Variants in IQGAP2 observed in about 807,000 individuals in gnomAD.
The protein encoded by IQGAP2 is ras GTPase-activating-like protein IQGAP2.
In IQGAP2, 173 loss-of-function variants were observed where a neutral mutation model predicts 201.3. That is an observed-to-expected ratio of 0.86 (90% CI 0.76 to 0.98). The LOEUF is 0.98. Ranked by LOEUF, IQGAP2 falls within the 50% of genes least tolerant of loss-of-function variation. The probability of loss-of-function intolerance (pLI) is 0.00; values close to 1 mark genes in which losing one functional copy is unlikely to be tolerated. For synonymous variants in IQGAP2, 675 were observed against 673.9 expected (o/e 1.00, Z -0.03); for missense variants, 1,687 against 1,864.8 (o/e 0.90, Z 1.76).
chr5:76,544,756 TTA>T (rs1030357406), intron 2 of IQGAP2, among the ~76,000 whole-genome samples: 1 of 152,146 alleles, frequency 6.6e-6, no homozygotes, highest in Non-Finnish European at 1.5e-5. Flanking sequence ...ACAGTGAAAA[TTA>T]TATCTTTCTC....
At chr5:76,542,505 C>T (rs140345638) in intron 2 of IQGAP2, among the ~76,000 whole-genome samples, 2 of 152,174 alleles carry the variant, frequency 1.3e-5, no homozygotes, top group African/African-American at 4.8e-5. Flanking sequence ...TTTTCTGAGG[C>T]TAAAGTTAGT....
chr5:76,443,121 A>G (rs1215858258), intron 1 of IQGAP2, among the ~76,000 whole-genome samples: 2 of 152,268 alleles, frequency 1.3e-5, no homozygotes, highest in African/African-American at 4.8e-5. Flanking sequence ...AAATTGTTTT[A>G]GGAAGGGGCT....
At chr5:76,457,162 A>T (rs1754137808) in intron 1 of IQGAP2, among the ~76,000 whole-genome samples, 1 of 151,694 alleles carries the variant, frequency 6.6e-6, no homozygotes, top group Admixed American at 6.6e-5. Flanking sequence ...AATTTTTTGT[A>T]TTTTTTTGTA....
chr5:76,520,457 C>T (rs4703711), intron 2 of IQGAP2, among the ~76,000 whole-genome samples: 114,758 of 152,146 alleles, frequency 0.75, 43,693 homozygotes, highest in East Asian at 0.96. Context: ...CCACCGCGCC[C>T]GGCGCATTAT....
intron 1 of IQGAP2, among the ~76,000 whole-genome samples, chr5:76,414,679 A>G (rs1341378927): frequency 6.6e-6 from 1 of 152,194 alleles, no homozygotes. Flanking sequence ...AAAAATGAAT[A>G]TATAAAGATA....
intron 2 of IQGAP2, among the ~76,000 whole-genome samples, chr5:76,530,556 A>G (rs1419662482): frequency 6.6e-6 from 1 of 151,230 alleles, no homozygotes; most frequent in African/African-American, 2.4e-5. Context: ...CAAAGGCTGC[A>G]GTTTAGTACT....
chr5:76,584,123 T>G (rs974212114), intron 5 of IQGAP2, among the ~76,000 whole-genome samples: 1 of 152,106 alleles, frequency 6.6e-6, no homozygotes, highest in Non-Finnish European at 1.5e-5. Flanking sequence ...TCGCCTGCCT[T>G]GGCCTCCCAA....
At chr5:76,659,319 A>T (rs1182073438) in intron 21 of IQGAP2, among the ~76,000 whole-genome samples, 1 of 152,224 alleles carries the variant, frequency 6.6e-6, no homozygotes, top group Non-Finnish European at 1.5e-5. Flanking sequence ...AATTAATAAT[A>T]AAAGCACACA....
At chr5:76,426,179 T>C (rs1790668826) in intron 1 of IQGAP2, among the ~76,000 whole-genome samples, 1 of 152,212 alleles carries the variant, frequency 6.6e-6, no homozygotes, top group Non-Finnish European at 1.5e-5. Context: ...TGTGGCTTAA[T>C]GTGCTCTGCA....
At chr5:76,505,605 G>A (rs1192845985) in intron 2 of IQGAP2, among the ~76,000 whole-genome samples, 1 of 152,116 alleles carries the variant, frequency 6.6e-6, no homozygotes. Context: ...GAGCTGTAGA[G>A]CTAGATCAGA....
intron 2 of IQGAP2, among the ~76,000 whole-genome samples, chr5:76,531,377 G>A (rs900066249): frequency 2.6e-5 from 4 of 152,108 alleles, no homozygotes; most frequent in South Asian, 2.1e-4. Context: ...AGCAATCCAC[G>A]TGAGTAGCTA....
At position 76,654,181 on chromosome 5, in the gene IQGAP2, A is replaced by AT; in HGVS notation, c.2179-13dup. On this transcript the variant is annotated intron_variant, in intron 18 of 35. Transcript: ENST00000274364. ...TCTTTATTTTTTGTTGTACTTTTCT[A>AT]TTTTTTAAAACCTTTCAGATTCAGT... is the stretch of plus-strand genomic sequence containing the variant. The AT allele has an allele frequency of 6.4e-7, 1 of 1,572,806 alleles. No homozygotes were observed. Among genetic ancestry groups the AT allele is most frequent in the South Asian group, 1.1e-5 (1 of 87,044 alleles).
intron 2 of IQGAP2, among the ~76,000 whole-genome samples, chr5:76,546,455 C>T (rs533936220): frequency 2.0e-5 from 3 of 152,072 alleles, no homozygotes; most frequent in Admixed American, 1.3e-4. Context: ...AACAATACAC[C>T]ACTTTTTATT....
chr5:76,698,597 C>T (rs772704100), intron 33 of IQGAP2, among the ~76,000 whole-genome samples: 46 of 152,082 alleles, frequency 3.0e-4, no homozygotes, highest in Non-Finnish European at 5.6e-4. Context: ...AAATTATTGA[C>T]ACAACTGGCA....
chr5:76,571,229 G>A (rs1322495227), intron 4 of IQGAP2, among the ~76,000 whole-genome samples: 1 of 151,966 alleles, frequency 6.6e-6, no homozygotes, highest in Non-Finnish European at 1.5e-5. Context: ...CGCCCAGTCT[G>A]GAGTACAGTG....
intron 2 of IQGAP2, among the ~76,000 whole-genome samples, chr5:76,523,712 A>G (rs116699329): frequency 2.4e-3 from 365 of 152,300 alleles, no homozygotes; most frequent in Non-Finnish European, 4.3e-3. Context: ...ACATTTTTAA[A>G]GTGCTTTGAA....
intron 1 of IQGAP2, among the ~76,000 whole-genome samples, chr5:76,426,573 T>G: frequency 6.6e-6 from 1 of 152,350 alleles, no homozygotes; most frequent in South Asian, 2.1e-4. Context: ...CACTGGGGCT[T>G]GTGCCATTGT....
At chr5:76,617,535 A>G in intron 13 of IQGAP2, 1 of 1,463,594 alleles carries the variant, frequency 6.8e-7, no homozygotes, top group African/African-American at 1.4e-5. Context: ...GTTCTTGAAA[A>G]CAGACGTTCT....
chr5:76,673,780 A>G (rs904790782), intron 25 of IQGAP2, 172 bp from the exon 26 acceptor site: 2 of 688,240 alleles, frequency 2.9e-6, no homozygotes, highest in South Asian at 1.9e-5. Context: ...AGTAGCAAAC[A>G]CAGCTCAGTT....
Sources: allele counts gnomAD v4.1 joint callset (sites outside exome capture counted in the v4.1 genomes callset), GRCh38; gene constraint gnomAD v4.1.1; transcripts MANE v1.5; gene names NCBI Gene and HGNC (gene_info 2026-07-23, HGNC 2026-07-21).